Variants in TMEM132B observed in about 807,000 individuals in gnomAD.
The protein encoded by TMEM132B is transmembrane protein 132B.
In TMEM132B, 18 loss-of-function variants were observed where a neutral mutation model predicts 90.8. The ratio of observed to expected loss-of-function variants is 0.20; its 90% CI spans 0.14 to 0.29. TMEM132B has a LOEUF of 0.29. TMEM132B is among the 10% of genes least tolerant of loss of function. The pLI, the probability that TMEM132B is intolerant of heterozygous loss-of-function variation, is 1.00. For synonymous variants in TMEM132B, 504 were observed against 523.3 expected (o/e 0.96, Z 0.50); for missense variants, 1,096 against 1,326.8 (o/e 0.83, Z 2.70).
chr12:125,495,835 G>A (rs1008725845), intron 3 of TMEM132B, among the ~76,000 whole-genome samples: 1 of 152,250 alleles, frequency 6.6e-6, no homozygotes, highest in South Asian at 2.1e-4. Flanking sequence ...TTGGAATGAT[G>A]TTGAGGCTGG....
At chr12:125,601,671 C>A (rs911383386) in intron 5 of TMEM132B, among the ~76,000 whole-genome samples, 2 of 151,968 alleles carry the variant, frequency 1.3e-5, no homozygotes, top group African/African-American at 4.8e-5. Context: ...ATCAATGAAT[C>A]CAGGAGCTCG....
intron 4 of TMEM132B, among the ~76,000 whole-genome samples, chr12:125,557,008 G>A (rs1447227620): frequency 6.6e-6 from 1 of 152,082 alleles, no homozygotes; most frequent in Admixed American, 6.6e-5. Flanking sequence ...AAGGAAAAAC[G>A]ACCCTCTCTT....
chr12:125,341,274 T>A (rs1157413342), intron 1 of TMEM132B, among the ~76,000 whole-genome samples: 1 of 152,234 alleles, frequency 6.6e-6, no homozygotes, highest in Non-Finnish European at 1.5e-5. Context: ...AGTTTTCTCA[T>A]TTATGAGTGG....
chr12:125,393,424 G>A (rs760660555), intron 2 of TMEM132B, among the ~76,000 whole-genome samples: 1 of 151,950 alleles, frequency 6.6e-6, no homozygotes, highest in African/African-American at 2.4e-5. Flanking sequence ...AAATAGAGAC[G>A]CAATACAAGA....
intron 3 of TMEM132B, among the ~76,000 whole-genome samples, chr12:125,428,173 T>A (rs978196855): frequency 2.6e-5 from 4 of 152,088 alleles, no homozygotes; most frequent in Non-Finnish European, 5.9e-5. Context: ...TCAATTATTT[T>A]TGTGGATACA....
At chr12:125,388,178 G>A (rs542061435) in intron 2 of TMEM132B, among the ~76,000 whole-genome samples, 2 of 152,178 alleles carry the variant, frequency 1.3e-5, no homozygotes, top group East Asian at 3.9e-4. Flanking sequence ...CTATAATCCC[G>A]GCACTTTAGG....
At chr12:125,291,743 C>T (rs1468834989) in intron 1 of TMEM132B, among the ~76,000 whole-genome samples, 5 of 152,070 alleles carry the variant, frequency 3.3e-5, no homozygotes, top group Admixed American at 3.3e-4. Flanking sequence ...CTATGGGAAC[C>T]ATGAGACATA....
chr12:125,420,364 G>T (rs1880134792), intron 3 of TMEM132B, among the ~76,000 whole-genome samples: 2 of 152,214 alleles, frequency 1.3e-5, no homozygotes, highest in South Asian at 4.1e-4. Flanking sequence ...CTTAACTTCT[G>T]TGCACCTTCA....
chr12:125,392,059 GC>G (rs1196356414), intron 2 of TMEM132B, among the ~76,000 whole-genome samples: 1 of 152,206 alleles, frequency 6.6e-6, no homozygotes, highest in Non-Finnish European at 1.5e-5. Flanking sequence ...CAGCCACTGT[GC>G]CCGGCCTTAG....
rs34889952 is a variant in TMEM132B, at chr12:125,579,363, CT to C, written c.1294-4476del. Among the ~76,000 whole-genome samples, 490 of 144,820 alleles carry C rather than the reference CT, an allele frequency of 3.4e-3. 4 individuals are homozygous for C. Among genetic ancestry groups the C allele is most frequent in the African/African-American group, 8.3e-3 (328 of 39,726 alleles). On this transcript the variant is annotated intron_variant, in intron 4 of 8. Coordinates refer to ENST00000682704, the MANE Select transcript of TMEM132B (RefSeq NM_001366854.1). ...TGGTGAGACAGCTTTCTCATACTTG[CT>C]TTTTTTTTTTTCTTTGAGATAGAGT...
At chr12:125,275,142 G>T (rs183228154) in intron 1 of TMEM132B, among the ~76,000 whole-genome samples, 1 of 152,124 alleles carries the variant, frequency 6.6e-6, no homozygotes, top group African/African-American at 2.4e-5. Context: ...AACCCGGAAC[G>T]TGGGCTGGAC....
At chr12:125,404,064 G>A (rs772904894) in intron 2 of TMEM132B, among the ~76,000 whole-genome samples, 3 of 152,162 alleles carry the variant, frequency 2.0e-5, no homozygotes, top group Non-Finnish European at 4.4e-5. Context: ...CCACATGCAT[G>A]AGAGCTGAAC....
At chr12:125,528,011 G>A (rs892017198) in intron 4 of TMEM132B, among the ~76,000 whole-genome samples, 4 of 152,234 alleles carry the variant, frequency 2.6e-5, no homozygotes, top group Admixed American at 2.0e-4. Context: ...TTCTTGAAAA[G>A]GGTGGTCTAA....
At chr12:125,493,034 G>T (rs943104931) in intron 3 of TMEM132B, among the ~76,000 whole-genome samples, 7 of 152,140 alleles carry the variant, frequency 4.6e-5, no homozygotes, top group Non-Finnish European at 1.0e-4. Context: ...ACCCCTGCAG[G>T]TGGCACGTCA....
intron 5 of TMEM132B, among the ~76,000 whole-genome samples, chr12:125,608,971 C>T (rs1885761914): frequency 6.6e-6 from 1 of 152,136 alleles, no homozygotes; most frequent in Non-Finnish European, 1.5e-5. Flanking sequence ...TTCCTCATGG[C>T]TGAGGAGGCC....
intron 1 of TMEM132B, among the ~76,000 whole-genome samples, chr12:125,322,385 C>T (rs1876453004): frequency 6.6e-6 from 1 of 152,188 alleles, no homozygotes; most frequent in Non-Finnish European, 1.5e-5. Flanking sequence ...TATTAATTAC[C>T]CAGTCTCAGA....
intron 4 of TMEM132B, among the ~76,000 whole-genome samples, chr12:125,537,370 C>A (rs758718003): frequency 6.6e-6 from 1 of 152,216 alleles, no homozygotes; most frequent in African/African-American, 2.4e-5. Flanking sequence ...CAAATGCTTT[C>A]GAAGACTCCA....
intron 1 of TMEM132B, among the ~76,000 whole-genome samples, chr12:125,236,244 C>T (rs936213418): frequency 1.3e-4 from 19 of 151,804 alleles, no homozygotes; most frequent in Middle Eastern, 3.2e-3. Context: ...CTCCCAGGTT[C>T]AAGTGATTCT....
intron 2 of TMEM132B, among the ~76,000 whole-genome samples, chr12:125,388,784 C>G: frequency 6.6e-6 from 1 of 152,208 alleles, no homozygotes; most frequent in East Asian, 1.9e-4. Context: ...CTGGCTCCTG[C>G]CCCAGCAGCT....
Sources: allele counts gnomAD v4.1 joint callset (sites outside exome capture counted in the v4.1 genomes callset), GRCh38; gene constraint gnomAD v4.1.1; transcripts MANE v1.5; gene names NCBI Gene and HGNC (gene_info 2026-07-23, HGNC 2026-07-21).